The following NBEA variants were observed in gnomAD, a reference collection of about 807,000 sequenced individuals.
NBEA encodes the protein lysosomal-trafficking regulator 2.
Under a neutral mutation model 343.4 loss-of-function variants are expected in NBEA, and 44 were observed. The ratio of observed to expected loss-of-function variants is 0.13; its 90% CI spans 0.10 to 0.16. NBEA has a LOEUF of 0.16. NBEA is among the 10% of genes least tolerant of loss of function. NBEA has a pLI of 1.00. For missense variants in NBEA, 2,555 were observed against 3,631.3 expected, an observed-to-expected ratio of 0.70 and a Z score of 7.62; for synonymous variants, 1,175 against 1,238.7, an observed-to-expected ratio of 0.95 and a Z score of 1.08.
intron 1 of NBEA, among the ~76,000 whole-genome samples, chr13:34,988,998 G>A (rs985672138): frequency 1.3e-5 from 2 of 150,526 alleles, no homozygotes; most frequent in South Asian, 2.1e-4. Context: ...TTGTTTCTTT[G>A]TCCCATTTGT....
At chr13:35,507,653 C>G (rs1461962) in intron 41 of NBEA, among the ~76,000 whole-genome samples, 1 of 151,860 alleles carries the variant, frequency 6.6e-6, no homozygotes, top group African/African-American at 2.4e-5. Flanking sequence ...TCTCTCACAC[C>G]CAACATATAC....
In NBEA at chr13:35,143,904, A is replaced by C. The variant is rs544723871; in HGVS notation, c.2445+1527A>C. Among the ~76,000 whole-genome samples, 797 of 132,052 alleles carry C rather than the reference A, an allele frequency of 6.0e-3. 7 individuals carry two copies. Among genetic ancestry groups the C allele is most frequent in the African/African-American group, 0.023 (738 of 32,214 alleles). 86.6% of individuals were successfully genotyped at this position (132,052 alleles called of 152,430 possible). ...CCCTGTCCCCTTCAAAAAAAAAAAC[A>C]AAAAAAAAAACAAAAACAAATTTAC... is the stretch of plus-strand genomic sequence containing the variant. On this transcript the variant is annotated intron_variant, in intron 18 of 58. Coordinates refer to ENST00000379939, the MANE Select transcript of NBEA (RefSeq NM_001385012.1).
intron 39 of NBEA, among the ~76,000 whole-genome samples, chr13:35,443,251 C>G (rs1021445806): frequency 1.6e-4 from 25 of 152,038 alleles, no homozygotes; most frequent in Non-Finnish European, 3.2e-4. Context: ...GTACAAGTTC[C>G]TTTTTGGTAA....
intron 37 of NBEA, 33 bp downstream of exon 37, chr13:35,349,249 T>C: frequency 2.2e-6 from 3 of 1,364,360 alleles, no homozygotes; most frequent in Non-Finnish European, 3.1e-6. Context: ...AATTCTGCCT[T>C]TCTATTATAA....
At chr13:35,503,141 A>G (rs1381337217) in intron 41 of NBEA, among the ~76,000 whole-genome samples, 1 of 151,904 alleles carries the variant, frequency 6.6e-6, no homozygotes, top group Non-Finnish European at 1.5e-5. Flanking sequence ...TTTCCTTATA[A>G]TGAATTAAAT....
rs1566185050 is a variant in NBEA at position 35,030,668 on chromosome 13, A to T, written c.295-10265A>T. Among the ~76,000 whole-genome samples the T allele has an allele frequency of 2.0e-5, 3 of 151,642 alleles. No homozygotes were observed. In the South Asian group the frequency reaches 6.2e-4, roughly 31 times the overall value. ...ATTACAAGCAAATAAATATTTTCCT[A>T]ATCTTGGGATGATATTTTCATTCAG... On this transcript the variant is annotated intron_variant, in intron 1 of 58. Transcript: ENST00000379939.
At chr13:35,099,285 G>C (rs1486482151) in intron 11 of NBEA, among the ~76,000 whole-genome samples, 4 of 140,222 alleles carry the variant, frequency 2.9e-5, no homozygotes, top group Non-Finnish European at 6.1e-5. Flanking sequence ...TGCAAGCTCC[G>C]CCTCCCAGGT....
At chr13:35,243,114 T>A (rs1180087639) in intron 34 of NBEA, among the ~76,000 whole-genome samples, 1 of 152,024 alleles carries the variant, frequency 6.6e-6, no homozygotes, top group African/African-American at 2.4e-5. Flanking sequence ...AAGATATGAC[T>A]TGTGACATAA....
At chr13:35,221,304 A>G (rs907829966) in intron 33 of NBEA, among the ~76,000 whole-genome samples, 2 of 151,138 alleles carry the variant, frequency 1.3e-5, no homozygotes, top group African/African-American at 4.9e-5. Flanking sequence ...AGATTGTGCC[A>G]TTGCACTCCA....
chr13:35,376,450 A>G (rs1469935945), intron 38 of NBEA, among the ~76,000 whole-genome samples: 1 of 152,196 alleles, frequency 6.6e-6, no homozygotes, highest in East Asian at 1.9e-4. Flanking sequence ...ACTTAAACTA[A>G]AATATAATTA....
chr13:35,025,096 T>C (rs529965483), intron 1 of NBEA, among the ~76,000 whole-genome samples: 1 of 152,338 alleles, frequency 6.6e-6, no homozygotes, highest in African/African-American at 2.4e-5. Flanking sequence ...ATGCATAGTT[T>C]GCAAATATTT....
chr13:35,053,300 A>G (rs1393099167), intron 6 of NBEA, among the ~76,000 whole-genome samples: 1 of 152,046 alleles, frequency 6.6e-6, no homozygotes, highest in Non-Finnish European at 1.5e-5. Context: ...TTCCTGCTAA[A>G]CCTACACACT....
intron 53 of NBEA, among the ~76,000 whole-genome samples, chr13:35,654,313 T>C (rs766768): frequency 0.056 from 8,572 of 152,260 alleles, 281 homozygotes; most frequent in South Asian, 0.1. Context: ...CTTCTGTCTG[T>C]TGACAATCCA....
intron 10 of NBEA, among the ~76,000 whole-genome samples, chr13:35,077,069 A>G (rs1453268265): frequency 6.6e-6 from 1 of 152,014 alleles, no homozygotes; most frequent in Non-Finnish European, 1.5e-5. Context: ...TTTTCCATCC[A>G]GGGGTGAGAT....
intron 35 of NBEA, among the ~76,000 whole-genome samples, chr13:35,307,273 C>T (rs945608867): frequency 6.6e-6 from 1 of 151,878 alleles, no homozygotes; most frequent in Admixed American, 6.6e-5. Context: ...ACAACAATAT[C>T]CTACAATTTC....
At chr13:35,435,009 G>A (rs1016246006) in intron 39 of NBEA, among the ~76,000 whole-genome samples, 7 of 152,102 alleles carry the variant, frequency 4.6e-5, no homozygotes, top group Non-Finnish European at 8.8e-5. Flanking sequence ...GATTATTACA[G>A]CACATTTGTT....
chr13:35,241,814 C>T (rs1318754627), intron 34 of NBEA, among the ~76,000 whole-genome samples: 2 of 151,842 alleles, frequency 1.3e-5, no homozygotes, highest in African/African-American at 2.4e-5. Flanking sequence ...AAATCCATTG[C>T]TATTTTGTTT....
Position 35,472,381 on chromosome 13 carries a change from C to T in NBEA, c.6449-19C>T, listed in dbSNP as rs1215783930. On this transcript the variant is annotated intron_variant, in intron 40 of 58. Transcript: ENST00000379939. ...GGCCACAGGGGCTCAGCCTGACTCC[C>T]CTTGTCCTTGCCTTGCAGGCCCAGT... The T allele has an allele frequency of 4.3e-6, 7 of 1,611,104 alleles. No individual in the cohort carries two copies. Among genetic ancestry groups the T allele is most frequent in the Admixed American group, 3.3e-5 (2 of 59,954 alleles).
intron 38 of NBEA, among the ~76,000 whole-genome samples, chr13:35,367,667 A>G (rs765720064): frequency 1.3e-5 from 2 of 151,394 alleles, no homozygotes; most frequent in Admixed American, 1.3e-4. Context: ...TAGGGAATAG[A>G]GTATTACACA....
Sources: allele counts gnomAD v4.1 joint callset (sites outside exome capture counted in the v4.1 genomes callset), GRCh38; gene constraint gnomAD v4.1.1; transcripts MANE v1.5; gene names NCBI Gene and HGNC (gene_info 2026-07-23, HGNC 2026-07-21).